The following CACNA2D4 variants were observed in gnomAD, a reference collection of about 807,000 sequenced individuals.
CACNA2D4 encodes the protein calcium voltage-gated channel auxiliary subunit alpha2delta 4, also known as voltage-dependent calcium channel subunit alpha-2/delta-4.
Under a neutral mutation model 163.8 loss-of-function variants are expected in CACNA2D4, and 157 were observed. That is an observed-to-expected ratio of 0.96 (90% CI 0.84 to 1.09). The LOEUF (loss-of-function observed/expected upper bound fraction) is 1.09. Among genes scored for constraint, CACNA2D4 ranks in the 50% least tolerant of loss-of-function variants. CACNA2D4 has a pLI of 0.00. For synonymous variants in CACNA2D4, 598 were observed against 586.9 expected (o/e 1.02, Z -0.27); for missense variants, 1,410 against 1,479.9 (o/e 0.95, Z 0.78).
intron 26 of CACNA2D4, among the ~76,000 whole-genome samples, chr12:1,813,836 A>G (rs970575736): frequency 3.9e-5 from 6 of 152,096 alleles, no homozygotes; most frequent in Non-Finnish European, 8.8e-5. Context: ...CAAAGATGAG[A>G]GCTGCAGACA....
chr12:1,837,264 A>T (rs1864898265), intron 26 of CACNA2D4, among the ~76,000 whole-genome samples: 1 of 152,138 alleles, frequency 6.6e-6, no homozygotes. Context: ...GCCTCGGCTG[A>T]CTGGGTTCTT....
intron 25 of CACNA2D4, 125 bp from the exon 26 acceptor site, chr12:1,840,944 G>T: frequency 1.2e-6 from 1 of 813,190 alleles, no homozygotes; most frequent in Non-Finnish European, 2.1e-6. Context: ...AAGAATTGAG[G>T]CGAGGGTGGG....
chr12:1,897,431 C>T (rs752812301), intron 6 of CACNA2D4, among the ~76,000 whole-genome samples: 1 of 152,096 alleles, frequency 6.6e-6, no homozygotes, highest in Non-Finnish European at 1.5e-5. Context: ...GATGGACATC[C>T]CCAAATACTC....
chr12:1,894,597 A>G (rs1447448071), intron 6 of CACNA2D4, among the ~76,000 whole-genome samples: 14 of 133,638 alleles, frequency 1.0e-4, no homozygotes, highest in Non-Finnish European at 3.1e-5. Flanking sequence ...ATGCAAATCA[A>G]TAAAAGTAAT....
chr12:1,882,053 AG>A (rs1866014239), intron 13 of CACNA2D4, among the ~76,000 whole-genome samples: 1 of 152,210 alleles, frequency 6.6e-6, no homozygotes, highest in Admixed American at 6.5e-5. Flanking sequence ...ACAGGGGCGA[AG>A]TATCCCCCTT....
intron 13 of CACNA2D4, among the ~76,000 whole-genome samples, chr12:1,882,599 G>C (rs1041692774): frequency 2.6e-5 from 4 of 152,182 alleles, no homozygotes; most frequent in Non-Finnish European, 5.9e-5. Flanking sequence ...AACAACTTCG[G>C]AGCAGGGACC....
intron 19 of CACNA2D4, among the ~76,000 whole-genome samples, chr12:1,859,869 G>A (rs931528919): frequency 1.1e-4 from 16 of 152,236 alleles, no homozygotes; most frequent in Non-Finnish European, 5.9e-5. Context: ...GCATCTGAAG[G>A]GGCGGGGCTT....
At position 1,806,907 on chromosome 12, in the gene CACNA2D4, G is replaced by T. The variant is rs897198225; in HGVS notation, c.2721+3371C>A. ...AATGAGTTAGGGGAGGCCAGGCCCT[G>T]TGGCCCTCGATGGCACTTGTGTGTT... On this transcript the variant is annotated intron_variant, in intron 29 of 37. Transcript: ENST00000382722. The surrounding 1 kb of genome is among the most constrained non-coding windows in gnomAD (Gnocchi z 4.1). Among the ~76,000 whole-genome samples, 1 of 152,098 alleles carries T rather than the reference G, an allele frequency of 6.6e-6. No individual in the cohort carries two copies. The highest frequency in any genetic ancestry group is 1.5e-5 in the Non-Finnish European group (1 of 68,030).
Position 1,918,318 on chromosome 12 carries a change from G to A in CACNA2D4, c.156C>T (p.Ala52=), listed in dbSNP as rs765928739. 90 of 1,610,074 alleles carry A rather than the reference G, an allele frequency of 5.6e-5. No homozygotes were observed. The highest frequency in any genetic ancestry group is 7.2e-5 in the Non-Finnish European group (85 of 1,178,174). The change falls in exon 1 of 38, where the codon GCC becomes GCT. Residue 52 remains alanine (A), a synonymous_variant. Transcript: ENST00000382722. Reference sequence around the variant, plus strand: ...TGCCTAGAAGCAGCAGCCACAGGAGGGCCGAGGTCTTCTGCACAAAGGCCC... The same window carrying A: ...TGCCTAGAAGCAGCAGCCACAGGAGAGCCGAGGTCTTCTGCACAAAGGCCC... ...VAWAFVQKTS[A]LLWLLLLGTS... is the part of the protein sequence containing the mutation.
intron 34 of CACNA2D4, 196 bp from the exon 35 acceptor site, chr12:1,797,731 T>G: frequency 1.7e-4 from 99 of 593,092 alleles, no homozygotes; most frequent in Admixed American, 1.7e-4. Flanking sequence ...CTGGAGAGGG[T>G]GGCTTGGCAC....
chr12:1,800,298 G>A (rs1863268828), intron 32 of CACNA2D4, 88 bp downstream of exon 32: 4 of 1,430,112 alleles, frequency 2.8e-6, no homozygotes, highest in Admixed American at 3.4e-5. Context: ...GGTTGTCCTG[G>A]AGACCTTGCA....
At position 1,828,251 on chromosome 12, in the gene CACNA2D4, T is replaced by C. The variant is rs1339050660; in HGVS notation, c.2551+12488A>G. The C allele has an allele frequency of 3.5e-5, 53 of 1,513,432 alleles. No individual in the cohort carries two copies. Among genetic ancestry groups the C allele is most frequent in the Non-Finnish European group, 4.5e-5 (51 of 1,125,656 alleles). 93.8% of individuals were successfully genotyped at this position (1,513,432 alleles called of 1,614,324 possible). ...CCCTGGCCTCGGAGGGGGGTGCGGG[T>C]TGGGTGGGGGTGCCGAGGTGACTGT... On this transcript the variant is annotated intron_variant, in intron 26 of 37. Transcript: ENST00000382722. The surrounding 1 kb of genome is among the most constrained non-coding windows in gnomAD (Gnocchi z 4.2).
Position 1,848,762 on chromosome 12 carries a change from A to AATTATT in CACNA2D4, c.2247-2079_2247-2074dup, listed in dbSNP as rs146412961. Among the ~76,000 whole-genome samples the AATTATT allele has an allele frequency of 5.2e-3, 767 of 147,318 alleles. 9 individuals are homozygous for AATTATT. The highest frequency in any genetic ancestry group is 0.023 in the East Asian group (115 of 5,070). ...TATTTCATATGTTTTAACCCATTGCAATTATTATTATTATTATTATTTTTA... is the reference window on the plus strand; with the variant it reads ...TATTTCATATGTTTTAACCCATTGCAATTATTATTATTATTATTATTATTATTTTTA... On this transcript the variant is annotated intron_variant, in intron 23 of 37. Transcript: ENST00000382722.
intron 26 of CACNA2D4, among the ~76,000 whole-genome samples, chr12:1,819,958 T>C (rs1327980003): frequency 5.9e-5 from 9 of 152,340 alleles, no homozygotes; most frequent in Non-Finnish European, 1.0e-4. Flanking sequence ...CATGACCATG[T>C]GATCCCTGGC....
chr12:1,895,198 G>C lies in CACNA2D4; in HGVS notation c.782-8129C>G, dbSNP rs1009150610. 2.6e-5 allele frequency among the ~76,000 whole-genome samples: 4 copies of C among 152,120 alleles called. No homozygotes were observed. The East Asian group carries it at 7.7e-4, about 29-fold the overall frequency. ...CAAGAAGGTGAAGGACCTGCATAAGGAAAGCTACAAAACTGATGAAAAAAA... is the reference window on the plus strand; with the variant it reads ...CAAGAAGGTGAAGGACCTGCATAAGCAAAGCTACAAAACTGATGAAAAAAA... On this transcript the variant is annotated intron_variant, in intron 6 of 37. Coordinates refer to ENST00000382722, the MANE Select transcript of CACNA2D4 (RefSeq NM_172364.5).
Position 1,828,042 on chromosome 12 carries a change from G to C in CACNA2D4, c.2551+12697C>G. On this transcript the variant is annotated intron_variant, in intron 26 of 37. Coordinates refer to ENST00000382722, the MANE Select transcript of CACNA2D4 (RefSeq NM_172364.5). The surrounding 1 kb of genome is among the most constrained non-coding windows in gnomAD (Gnocchi z 4.2). ...CCCTGGGCTGGAACGGGGCTCCCGC[G>C]CCTGCCTGTGCTCAGTGCTCCTCCC... 1 of 1,079,016 alleles carries C rather than the reference G, an allele frequency of 9.3e-7. No individual in the cohort carries two copies. The highest frequency in any genetic ancestry group is 1.9e-5 in the South Asian group (1 of 51,438). 66.8% of individuals were successfully genotyped at this position (1,079,016 alleles called of 1,614,324 possible).
chr12:1,864,219 T>C (rs1471131788), intron 18 of CACNA2D4, among the ~76,000 whole-genome samples: 4 of 152,218 alleles, frequency 2.6e-5, no homozygotes, highest in Non-Finnish European at 5.9e-5. Flanking sequence ...CCGGAGACTC[T>C]CCCTTTGTAA....
intron 35 of CACNA2D4, among the ~76,000 whole-genome samples, 197 bp downstream of exon 35, chr12:1,797,221 C>A (rs939719739): frequency 6.6e-6 from 1 of 152,232 alleles, no homozygotes. Context: ...CCGCCTCAGA[C>A]CGTCCGCCTC....
At chr12:1,814,362 C>T (rs1313272686) in intron 26 of CACNA2D4, among the ~76,000 whole-genome samples, 1 of 152,220 alleles carries the variant, frequency 6.6e-6, no homozygotes, top group Admixed American at 6.5e-5. Context: ...CCAAGCCAAG[C>T]TGTGTGTCTT....
Sources: gnomAD v4.1 joint callset for allele counts (sites outside exome capture counted in the v4.1 genomes callset) on GRCh38, gnomAD v4.1.1 for gene constraint, Gnocchi (gnomAD v3.1) non-coding constraint, MANE v1.5 for transcripts, NCBI Gene and HGNC (gene_info 2026-07-23, HGNC 2026-07-21) for gene names.